EPM2A: variants seen among roughly 807,000 people sequenced by gnomAD.
EPM2A encodes laforin.
A neutral mutation model predicts 26.5 loss-of-function variants in EPM2A; 21 were observed. That is an observed-to-expected ratio of 0.79 (90% CI 0.56 to 1.14). The LOEUF is 1.14. EPM2A is among the 50% of genes most tolerant of loss of function. The pLI is 0.00. For missense variants in EPM2A, 458 were observed against 440.8 expected (o/e 1.04, Z -0.35); for synonymous variants, 217 against 177.6 (o/e 1.22, Z -1.76).
chr6:145,500,957 G>A (rs1779881723), downstream of EPM2A, among the ~76,000 whole-genome samples: 1 of 152,190 alleles, frequency 6.6e-6, no homozygotes, highest in Non-Finnish European at 1.5e-5. Context: ...GAAGATGCTA[G>A]AATAATTTGA....
intron 2 of EPM2A, among the ~76,000 whole-genome samples, chr6:145,570,576 T>G (rs938132055): frequency 2.0e-5 from 3 of 152,242 alleles, no homozygotes; most frequent in African/African-American, 7.2e-5. Flanking sequence ...TCCTCATTTC[T>G]GCAGCTGGTC....
intron 2 of EPM2A, among the ~76,000 whole-genome samples, chr6:145,606,518 T>C (rs983604077): frequency 6.6e-6 from 1 of 152,168 alleles, no homozygotes; most frequent in Admixed American, 6.5e-5. Context: ...TCTAAGTTGC[T>C]AACTAGAATC....
chr6:145,556,801 T>G (rs1780733513), intron 2 of EPM2A, among the ~76,000 whole-genome samples: 1 of 152,160 alleles, frequency 6.6e-6, no homozygotes, highest in South Asian at 2.1e-4. Flanking sequence ...TAACAGCTTA[T>G]GTCTCTGATT....
chr6:145,732,413 T>C (rs200956710), intron 1 of EPM2A, among the ~76,000 whole-genome samples: 521 of 18,126 alleles, frequency 0.029, 1 homozygote, highest in Admixed American at 0.047. Context: ...CACACACACA[T>C]ATATATATAT....
chr6:145,443,779 T>C (rs1275615815), intron 4 of EPM2A, among the ~76,000 whole-genome samples: 1 of 152,164 alleles, frequency 6.6e-6, no homozygotes, highest in Non-Finnish European at 1.5e-5. Flanking sequence ...GATGATTGAA[T>C]CATGGGGGTG....
chr6:145,576,436 A>G (rs1364231677), intron 2 of EPM2A, among the ~76,000 whole-genome samples: 2 of 113,790 alleles, frequency 1.8e-5, no homozygotes, highest in African/African-American at 8.2e-5. Flanking sequence ...ACAGTAATTT[A>G]TGCATATCAC....
intron 4 of EPM2A, among the ~76,000 whole-genome samples, chr6:145,458,651 C>G (rs913481454): frequency 6.6e-6 from 1 of 152,054 alleles, no homozygotes; most frequent in African/African-American, 2.4e-5. Context: ...TGGGAGTCAT[C>G]TAATTTCACA....
chr6:145,673,482 T>C (rs564852639), intron 2 of EPM2A, among the ~76,000 whole-genome samples: 3 of 152,142 alleles, frequency 2.0e-5, no homozygotes, highest in Non-Finnish European at 4.4e-5. Flanking sequence ...ATTGCCTCAC[T>C]CAGGAAGTGC....
intron 3 of EPM2A, chr6:145,628,481 G>A (rs899287888): frequency 4.6e-5 from 7 of 152,210 alleles, no homozygotes; most frequent in Non-Finnish European, 1.0e-4. Flanking sequence ...TCACTTCCTT[G>A]AGCTCCTGGA....
At position 145,727,294 on chromosome 6, in the gene EPM2A, A is replaced by G. The variant is rs557565689; in HGVS notation, c.301+7904T>C. 6.6e-5 allele frequency among the ~76,000 whole-genome samples: 10 copies of G among 152,286 alleles called. No individual in the cohort carries two copies. In the South Asian group the frequency reaches 8.3e-4, roughly 13 times the overall value. On this transcript the variant is annotated intron_variant, in intron 1 of 3. Transcript: ENST00000367519. ...AGCTAAATGAGAACAAAAGAAAAAG[A>G]TGCACAAGAATACTGAATGGAACTT... is the stretch of plus-strand genomic sequence containing the variant.
At chr6:145,599,220 T>C (rs989894777) in intron 2 of EPM2A, among the ~76,000 whole-genome samples, 1 of 152,210 alleles carries the variant, frequency 6.6e-6, no homozygotes, top group African/African-American at 2.4e-5. Context: ...GTTAATGATA[T>C]TGATTCAGTG....
At chr6:145,648,286 C>T (rs1270938638) in intron 2 of EPM2A, among the ~76,000 whole-genome samples, 1 of 152,164 alleles carries the variant, frequency 6.6e-6, no homozygotes, top group East Asian at 1.9e-4. Flanking sequence ...CTATTTGAAC[C>T]AGAGAGATTC....
chr6:145,589,560 AAAT>A (rs1282927322), intron 2 of EPM2A, among the ~76,000 whole-genome samples: 2 of 152,314 alleles, frequency 1.3e-5, no homozygotes, highest in African/African-American at 4.8e-5. Context: ...AAGAAAAAGA[AAAT>A]AATAATAAAA....
chr6:145,579,714 G>A (rs1237640665), intron 2 of EPM2A, among the ~76,000 whole-genome samples: 1 of 152,046 alleles, frequency 6.6e-6, no homozygotes, highest in Non-Finnish European at 1.5e-5. Context: ...ATAGCATGTT[G>A]CTATTCACTT....
chr6:145,392,934 G>A (rs9390314), intron 4 of EPM2A, among the ~76,000 whole-genome samples: 40,100 of 151,678 alleles, frequency 0.26, 5,666 homozygotes, highest in Non-Finnish European at 0.32. Flanking sequence ...TAGATTGGAA[G>A]GCTATTCAAT....
chr6:145,515,217 C>T (rs399169), intron 2 of EPM2A, among the ~76,000 whole-genome samples: 2 of 151,888 alleles, frequency 1.3e-5, no homozygotes, highest in African/African-American at 4.8e-5. Context: ...CTTATCATGA[C>T]GTCTCTAGAA....
intron 4 of EPM2A, among the ~76,000 whole-genome samples, chr6:145,393,793 T>C (rs1398252099): frequency 6.6e-6 from 1 of 151,790 alleles, no homozygotes; most frequent in African/African-American, 2.4e-5. Flanking sequence ...ATAAAAATGG[T>C]CAGGGTCACT....
Position 145,457,481 on chromosome 6 carries a change from C to CAA in EPM2A, c.555+45039_555+45040dup, listed in dbSNP as rs11325982. Among the ~76,000 whole-genome samples, 617 of 105,484 alleles carry CAA rather than the reference C, an allele frequency of 5.8e-3. 3 individuals carry two copies. The highest frequency in any genetic ancestry group is 0.019 in the African/African-American group (590 of 30,266). 69.2% of individuals were successfully genotyped at this position (105,484 alleles called of 152,430 possible). On this transcript the variant is annotated intron_variant, in intron 4 of 4. Transcript: ENST00000638717. Reference sequence around the variant, plus strand: ...CCTGGGCACTAGAGTGACTCTGTCTCAAAAAAAAAAAAAAAAAGAAAAAGA... The same window carrying CAA: ...CCTGGGCACTAGAGTGACTCTGTCTCAAAAAAAAAAAAAAAAAAAGAAAAAGA...
At chr6:145,521,742 A>G (rs2114774304) in intron 2 of EPM2A, among the ~76,000 whole-genome samples, 1 of 152,306 alleles carries the variant, frequency 6.6e-6, no homozygotes, top group East Asian at 1.9e-4. Context: ...TACTAGAGGG[A>G]ATGAGCTGGA....
Sources: allele counts gnomAD v4.1 joint callset (sites outside exome capture counted in the v4.1 genomes callset), GRCh38; gene constraint gnomAD v4.1.1; transcripts MANE v1.5; gene names NCBI Gene and HGNC (gene_info 2026-07-23, HGNC 2026-07-21).